DAB2IP: variants seen among roughly 807,000 people sequenced by gnomAD.
DAB2IP encodes the protein disabled homolog 2-interacting protein.
Under a neutral mutation model 107.2 loss-of-function variants are expected in DAB2IP, and 28 were observed. That is an observed-to-expected ratio of 0.26 (90% confidence interval 0.19 to 0.36). The LOEUF (loss-of-function observed/expected upper bound fraction) is 0.36, where lower values mean the gene tolerates loss of function less well. Ranked by LOEUF, DAB2IP falls within the 10% of genes least tolerant of loss-of-function variation. The pLI, the probability that DAB2IP is intolerant of heterozygous loss-of-function variation, is 1.00. For synonymous variants in DAB2IP, 755 were observed against 706.4 expected (o/e 1.07, Z -1.09); for missense variants, 1,400 against 1,644.7 (o/e 0.85, Z 2.57).
At chr9:121,755,868 A>C (rs1833442458) in intron 3 of DAB2IP, among the ~76,000 whole-genome samples, 1 of 152,214 alleles carries the variant, frequency 6.6e-6, no homozygotes, top group Non-Finnish European at 1.5e-5. Flanking sequence ...AAGCCTCAGC[A>C]TAGCCCAAGG....
chr9:121,595,632 A>G (rs1293812841), intron 1 of DAB2IP, among the ~76,000 whole-genome samples: 1 of 151,844 alleles, frequency 6.6e-6, no homozygotes, highest in Middle Eastern at 3.4e-3. Context: ...AAGAAGAAGA[A>G]AGAAAGAAAG....
At position 121,632,407 on chromosome 9, in the gene DAB2IP, G is replaced by A. The variant is rs78901070; in HGVS notation, c.41-46271G>A. Among the ~76,000 whole-genome samples, 365 of 152,264 alleles carry A rather than the reference G, an allele frequency of 2.4e-3. 13 individuals are homozygous for A. In the East Asian group the frequency reaches 0.063, roughly 26 times the overall value. Reference sequence around the variant, plus strand: ...GACTGGAGGAGATGCAGGGACAAACGCGGCCAAGTCTGAAGTTTCAGATCA... The same window carrying A: ...GACTGGAGGAGATGCAGGGACAAACACGGCCAAGTCTGAAGTTTCAGATCA... On this transcript the variant is annotated intron_variant, in intron 1 of 16. Transcript: ENST00000259371.
intron 3 of DAB2IP, among the ~76,000 whole-genome samples, chr9:121,714,893 T>C (rs1830513144): frequency 6.6e-6 from 1 of 152,216 alleles, no homozygotes; most frequent in Admixed American, 6.5e-5. Flanking sequence ...GGAGAACTCG[T>C]GCAGTCCTGT....
intron 1 of DAB2IP, among the ~76,000 whole-genome samples, chr9:121,619,526 G>A (rs1831391544): frequency 6.6e-6 from 1 of 152,244 alleles, no homozygotes; most frequent in Non-Finnish European, 1.5e-5. Context: ...TTTATTCAGT[G>A]CCTACCATGT....
At chr9:121,720,737 G>T (rs1830876387) in intron 3 of DAB2IP, among the ~76,000 whole-genome samples, 1 of 152,148 alleles carries the variant, frequency 6.6e-6, no homozygotes, top group African/African-American at 2.4e-5. Context: ...AGGAAGCAGG[G>T]CTCCTGGGGG....
At chr9:121,685,041 T>A (rs906578610) in intron 2 of DAB2IP, among the ~76,000 whole-genome samples, 2 of 152,060 alleles carry the variant, frequency 1.3e-5, no homozygotes, top group Non-Finnish European at 1.5e-5. Flanking sequence ...GTATGAGGAA[T>A]TTGCTTAGTT....
chr9:121,641,052 C>T (rs893816395), intron 1 of DAB2IP, among the ~76,000 whole-genome samples: 2 of 151,634 alleles, frequency 1.3e-5, no homozygotes, highest in African/African-American at 4.8e-5. Flanking sequence ...GCCAAGAGAG[C>T]TCCTCCTGGG....
chr9:121,610,891 T>C (rs1164970008), intron 1 of DAB2IP, among the ~76,000 whole-genome samples: 2 of 152,218 alleles, frequency 1.3e-5, no homozygotes, highest in Non-Finnish European at 2.9e-5. Context: ...TTGTAATTCC[T>C]TTCCCATCCT....
intron 3 of DAB2IP, among the ~76,000 whole-genome samples, chr9:121,717,865 G>A (rs1251343409): frequency 1.3e-5 from 2 of 152,218 alleles, no homozygotes; most frequent in Admixed American, 1.3e-4. Context: ...TGCAAGCTGA[G>A]CCTGGGTTGT....
At chr9:121,704,036 T>C (rs1829931166) in intron 3 of DAB2IP, among the ~76,000 whole-genome samples, 2 of 152,232 alleles carry the variant, frequency 1.3e-5, no homozygotes, top group African/African-American at 4.8e-5. Flanking sequence ...AGTTCATTGT[T>C]CCATCTTCCG....
At position 121,699,215 on chromosome 9, in the gene DAB2IP, C is replaced by T; in HGVS notation, c.229-110C>T. The T allele has an allele frequency of 2.0e-6, 2 of 993,798 alleles. No individual in the cohort carries two copies. The highest frequency in any genetic ancestry group is 2.4e-6 in the Non-Finnish European group (2 of 837,168). 61.6% of individuals were successfully genotyped at this position (993,798 alleles called of 1,614,324 possible). A position where few individuals can be genotyped will look rare whatever the true frequency, so the allele number is the denominator to read the frequency against. On this transcript the variant is annotated intron_variant, in intron 2 of 15. Transcript: ENST00000408936. The surrounding 1 kb of genome is among the most constrained non-coding windows in gnomAD (Gnocchi z 6.2). Reference sequence around the variant, plus strand: ...TGGGGCCGAGCCCGAGCCCGGCCCGCCCTCGGCCGCGCGGCCGCCCAGCAA... The same window carrying T: ...TGGGGCCGAGCCCGAGCCCGGCCCGTCCTCGGCCGCGCGGCCGCCCAGCAA...
chr9:121,683,430 G>T (rs1295212351), intron 2 of DAB2IP, among the ~76,000 whole-genome samples: 1 of 152,182 alleles, frequency 6.6e-6, no homozygotes, highest in East Asian at 1.9e-4. Flanking sequence ...TGGCTGGCAG[G>T]CCTGGGGTGT....
Position 121,722,875 on chromosome 9 carries a change from A to G in DAB2IP, c.362+23417A>G, listed in dbSNP as rs186836171. On this transcript the variant is annotated intron_variant, in intron 3 of 15. Transcript: ENST00000408936. ...AAATTCCAGGCACTATAAAGCAAAA[A>G]GTAACAAAACTTCTATGCCACTCCC... Among the ~76,000 whole-genome samples the G allele has an allele frequency of 5.3e-3, 803 of 152,200 alleles. 2 individuals are homozygous for G. The highest frequency in any genetic ancestry group is 8.6e-3 in the Non-Finnish European group (587 of 68,032).
chr9:121,774,547 T>G, intron 13 of DAB2IP, 135 bp downstream of exon 13: 1 of 1,039,896 alleles, frequency 9.6e-7, no homozygotes, highest in Non-Finnish European at 1.3e-6. Context: ...TGAGCCCCTG[T>G]TCCCTGTGAG....
chr9:121,677,913 C>T (rs1428539791), intron 1 of DAB2IP, among the ~76,000 whole-genome samples: 6 of 152,152 alleles, frequency 3.9e-5, no homozygotes, highest in South Asian at 4.1e-4. Context: ...CCTCCCGCCT[C>T]GGCCTTCCAA....
chr9:121,651,600 G>C lies in DAB2IP; in HGVS notation c.-176G>C, dbSNP rs567572059. The stretch of plus-strand genomic sequence containing the variant: ...CCGCGGGGCCGGCTGCTCGGGGAGC[G>C]GGAGGGGGCAGGAGGCGGAGGAGGA... On this transcript the variant is annotated 5_prime_UTR_variant, in exon 1 of 16. Transcript: ENST00000408936. The surrounding 1 kb of genome is among the most constrained non-coding windows in gnomAD (Gnocchi z 5.1). 3 of 991,692 alleles carry C rather than the reference G, an allele frequency of 3.0e-6. No individual in the cohort carries two copies. The highest frequency in any genetic ancestry group is 3.6e-6 in the Non-Finnish European group (3 of 822,160). The allele number at this position is 991,692 out of a possible 1,614,324, so 61.4% of individuals were successfully genotyped here.
At chr9:121,759,038 G>A (rs778501675) in intron 5 of DAB2IP, 42 bp downstream of exon 5, 2 of 1,571,090 alleles carry the variant, frequency 1.3e-6, no homozygotes, top group Non-Finnish European at 1.7e-6. Context: ...GGGATTGAAG[G>A]TAGGCTCAGA....
chr9:121,667,588 T>G lies in DAB2IP; in HGVS notation c.125-11090T>G, dbSNP rs140901048. On this transcript the variant is annotated intron_variant, in intron 1 of 15. Coordinates refer to ENST00000408936, the Ensembl canonical transcript of DAB2IP. ...TCACTGCAACCTCTGCCTGCCAGGTTCAAATGATTCTCCTGCCTCAGCCTC... is the reference window on the plus strand; with the variant it reads ...TCACTGCAACCTCTGCCTGCCAGGTGCAAATGATTCTCCTGCCTCAGCCTC... 2.5e-3 allele frequency among the ~76,000 whole-genome samples: 374 copies of G among 152,220 alleles called. 3 individuals are homozygous for G. The highest frequency in any genetic ancestry group is 5.0e-3 in the Admixed American group (76 of 15,302).
At chr9:121,567,186 G>A (rs1317978966) in exon 1 of DAB2IP, 5 of 1,613,898 alleles carry the variant, frequency 3.1e-6, no homozygotes, top group African/African-American at 1.3e-5. Flanking sequence ...GGGCCCACAC[G>A]CCATGGAGCC....
Sources: allele counts gnomAD v4.1 joint callset (sites outside exome capture counted in the v4.1 genomes callset), GRCh38; gene constraint gnomAD v4.1.1; non-coding constraint Gnocchi (gnomAD v3.1); transcripts MANE v1.5; gene names NCBI Gene and HGNC (gene_info 2026-07-23, HGNC 2026-07-21).